CDK6: variants seen among roughly 807,000 people sequenced by gnomAD.
CDK6 encodes cyclin dependent kinase 6.
A neutral mutation model predicts 37.1 loss-of-function variants in CDK6; 6 were observed. The ratio of observed to expected loss-of-function variants is 0.16; its 90% confidence interval spans 0.09 to 0.32. The LOEUF (loss-of-function observed/expected upper bound fraction) is 0.32, where lower values mean the gene tolerates loss of function less well. CDK6 is among the 10% of genes least tolerant of loss of function. The pLI, the probability that CDK6 is intolerant of heterozygous loss-of-function variation, is 1.00. For missense variants in CDK6, 224 were observed against 418.9 expected (o/e 0.53, Z 4.06); for synonymous variants, 160 against 161.3 (o/e 0.99, Z 0.06).
chr7:92,749,749 C>T (rs1237199466), intron 3 of CDK6, among the ~76,000 whole-genome samples: 2 of 152,116 alleles, frequency 1.3e-5, no homozygotes, highest in Non-Finnish European at 2.9e-5. Flanking sequence ...TGAGGGTATG[C>T]AATAAATGTT....
intron 4 of CDK6, among the ~76,000 whole-genome samples, chr7:92,705,118 C>T (rs919413176): frequency 1.3e-5 from 2 of 152,128 alleles, no homozygotes; most frequent in African/African-American, 4.8e-5. Flanking sequence ...TCTATGTACT[C>T]GACATTCTTT....
chr7:92,659,530 G>A (rs1170950209), intron 5 of CDK6, among the ~76,000 whole-genome samples: 4 of 151,810 alleles, frequency 2.6e-5, no homozygotes, highest in Non-Finnish European at 5.9e-5. Flanking sequence ...GACAGAGCTG[G>A]TTTATACTTT....
chr7:92,688,023 A>G (rs1797503224), intron 4 of CDK6, among the ~76,000 whole-genome samples: 1 of 152,032 alleles, frequency 6.6e-6, no homozygotes, highest in Non-Finnish European at 1.5e-5. Context: ...TTGTTTAGCA[A>G]TTTTTTCTGT....
chr7:92,630,669 C>T (rs757457350), intron 5 of CDK6, among the ~76,000 whole-genome samples: 1 of 152,120 alleles, frequency 6.6e-6, no homozygotes, highest in Non-Finnish European at 1.5e-5. Context: ...AGTCAGATAT[C>T]GCAGGCTCAA....
intron 3 of CDK6, among the ~76,000 whole-genome samples, chr7:92,734,506 G>A (rs1273887610): frequency 1.3e-5 from 2 of 152,194 alleles, no homozygotes; most frequent in Non-Finnish European, 2.9e-5. Flanking sequence ...ACTCCTGGCA[G>A]GGTCCTGCTT....
At position 92,808,100 on chromosome 7, in the gene CDK6, A is replaced by T. The variant is rs2282997; in HGVS notation, c.233+24991T>A. On this transcript the variant is annotated intron_variant, in intron 2 of 7. Coordinates refer to ENST00000424848, the MANE Select transcript of CDK6 (RefSeq NM_001145306.2). ...CTCCCCTGTAAATTAAAAAGAAAAT[A>T]AAAAAAACTAGACACCTCATATGGT... Among the ~76,000 whole-genome samples the T allele has an allele frequency of 4.4e-4, 67 of 152,156 alleles. No individual in the cohort carries two copies. The East Asian group carries it at 5.6e-3, about 13-fold the overall frequency.
At chr7:92,789,492 G>A (rs900618500) in intron 2 of CDK6, among the ~76,000 whole-genome samples, 1 of 152,196 alleles carries the variant, frequency 6.6e-6, no homozygotes. Context: ...CATGTAATTT[G>A]TGACAATAAC....
At chr7:92,640,877 G>A (rs896818684) in intron 5 of CDK6, among the ~76,000 whole-genome samples, 2 of 152,108 alleles carry the variant, frequency 1.3e-5, no homozygotes, top group African/African-American at 4.8e-5. Context: ...TTACACCAAT[G>A]TGCATCACAG....
chr7:92,726,608 A>T (rs1798518439), intron 3 of CDK6, among the ~76,000 whole-genome samples: 1 of 151,826 alleles, frequency 6.6e-6, no homozygotes, highest in African/African-American at 2.4e-5. Context: ...ATGCGATCTC[A>T]CTATGTTGCC....
intron 5 of CDK6, among the ~76,000 whole-genome samples, chr7:92,629,704 C>T (rs1796011006): frequency 6.6e-6 from 1 of 151,938 alleles, no homozygotes; most frequent in African/African-American, 2.4e-5. Context: ...TTTTATTCTC[C>T]CAGTGTCATC....
At chr7:92,616,444 T>C (rs1283491881) in intron 7 of CDK6, among the ~76,000 whole-genome samples, 1 of 152,160 alleles carries the variant, frequency 6.6e-6, no homozygotes, top group Non-Finnish European at 1.5e-5. Context: ...CATCAGTCCA[T>C]GGTTGCTAGC....
Position 92,608,572 on chromosome 7 carries a change from C to G in CDK6, c.*6568G>C, listed in dbSNP as rs1263999150. On this transcript the variant is annotated 3_prime_UTR_variant, in exon 8 of 8. Transcript: ENST00000424848. ...AAAAAAACAAAAACAAAAACAAAAA[C>G]TGAGCTTAGCGCCTGAGAGATGCGG... 3 of 232,130 alleles carry G rather than the reference C, an allele frequency of 1.3e-5. No homozygotes were observed. The highest frequency in any genetic ancestry group is 6.6e-5 in the African/African-American group (3 of 45,284). The allele number at this position is 232,130 out of a possible 1,614,324, so 14.4% of individuals were successfully genotyped here.
chr7:92,688,947 T>C (rs1343213698), intron 4 of CDK6, among the ~76,000 whole-genome samples: 3 of 152,318 alleles, frequency 2.0e-5, no homozygotes, highest in Non-Finnish European at 4.4e-5. Context: ...ACAGCAACTA[T>C]TTTGGCGGAG....
chr7:92,771,394 C>T (rs899686434), intron 3 of CDK6, among the ~76,000 whole-genome samples: 1 of 151,022 alleles, frequency 6.6e-6, no homozygotes. Context: ...CAACATGATA[C>T]GTTTTAATCT....
chr7:92,743,974 G>T (rs1798995313), intron 3 of CDK6, among the ~76,000 whole-genome samples: 1 of 152,092 alleles, frequency 6.6e-6, no homozygotes, highest in Admixed American at 6.6e-5. Flanking sequence ...TCATCAAACT[G>T]TATGCTTGAG....
chr7:92,818,637 C>A (rs552104782), intron 2 of CDK6, among the ~76,000 whole-genome samples: 18 of 151,760 alleles, frequency 1.2e-4, no homozygotes, highest in Non-Finnish European at 2.4e-4. Context: ...TGACATAAAG[C>A]ATTAAGGAAA....
intron 2 of CDK6, among the ~76,000 whole-genome samples, chr7:92,785,837 A>G (rs1428353642): frequency 6.6e-6 from 1 of 152,246 alleles, no homozygotes; most frequent in Non-Finnish European, 1.5e-5. Context: ...GTAAATTAAA[A>G]GATCCCAATA....
In CDK6 at chr7:92,833,135, C is replaced by G; in HGVS notation, c.189G>C (p.Ala63=). ...GMPLSTIREV[A]VLRHLETFEH... is the part of the protein sequence containing the mutation. ...CGAAGGTCTCCAGGTGCCTCAGCAC[C>G]GCCACCTCGCGGATGGTGGAGAGCG... The change falls in exon 2 of 8, where the codon GCG becomes GCC. Residue 63 remains alanine, a synonymous_variant. Coordinates refer to ENST00000424848, the MANE Select transcript of CDK6 (RefSeq NM_001145306.2). This position sits in a 1 kb window ranked among gnomAD's most constrained non-coding sequence, Gnocchi z 6.1. 1 of 1,608,034 alleles carries G rather than the reference C, an allele frequency of 6.2e-7. No individual in the cohort carries two copies. The highest frequency in any genetic ancestry group is 8.5e-7 in the Non-Finnish European group (1 of 1,177,944).
At chr7:92,725,834 CG>C (rs747051815) in intron 3 of CDK6, 41 bp from the exon 4 acceptor site, 10 of 1,576,650 alleles carry the variant, frequency 6.3e-6, no homozygotes, top group Non-Finnish European at 8.7e-6. Flanking sequence ...ACACTCAAAA[CG>C]GAAGTTGAGC....
Sources: allele counts gnomAD v4.1 joint callset (sites outside exome capture counted in the v4.1 genomes callset), GRCh38; gene constraint gnomAD v4.1.1; non-coding constraint Gnocchi (gnomAD v3.1); transcripts MANE v1.5; gene names NCBI Gene and HGNC (gene_info 2026-07-23, HGNC 2026-07-21).